The following CNTNAP3 variants were observed in gnomAD, a reference collection of about 807,000 sequenced individuals.
The protein encoded by CNTNAP3 is contactin associated protein family member 3.
In CNTNAP3, 36 loss-of-function variants were observed where a neutral mutation model predicts 92.1. That is an observed-to-expected ratio of 0.39 (90% confidence interval 0.30 to 0.52). The LOEUF is 0.52. CNTNAP3 is among the 20% of genes least tolerant of loss of function. The pLI is 0.76. For missense variants in CNTNAP3, 534 were observed against 1,069.6 expected (o/e 0.50, Z 6.98); for synonymous variants, 232 against 422.3 (o/e 0.55, Z 5.53).
At position 39,118,084 on chromosome 9, in the gene CNTNAP3, G is replaced by C. The variant is rs755193939; in HGVS notation, c.2237+19C>G. ...AATAAAAACCACATTTTTGTGCAGG[G>C]AAATCATGTGGAAATCACCATTCAT... is the stretch of plus-strand genomic sequence containing the variant. On this transcript the variant is annotated intron_variant, in intron 14 of 23. Coordinates refer to ENST00000297668, the MANE Select transcript of CNTNAP3 (RefSeq NM_033655.5). 9.4e-6 allele frequency: 15 copies of C among 1,593,744 alleles called. No individual in the cohort carries two copies. Among genetic ancestry groups the C allele is most frequent in the Admixed American group, 1.8e-5 (1 of 56,542 alleles).
intron 13 of CNTNAP3, among the ~76,000 whole-genome samples, chr9:39,129,163 T>C (rs1821218555): frequency 6.6e-6 from 1 of 152,148 alleles, no homozygotes; most frequent in African/African-American, 2.4e-5. Context: ...TTATACAGAA[T>C]GAGGCAAGCT....
At chr9:39,075,876 G>A (rs1825748622) in intron 23 of CNTNAP3, among the ~76,000 whole-genome samples, 1 of 152,280 alleles carries the variant, frequency 6.6e-6, no homozygotes, top group South Asian at 2.1e-4. Flanking sequence ...GTTAATCAGA[G>A]GTCTGTCCCA....
At chr9:39,091,168 C>CTTTTTTT (rs1319060417) in intron 18 of CNTNAP3, among the ~76,000 whole-genome samples, 284 of 117,018 alleles carry the variant, frequency 2.4e-3, no homozygotes, top group Middle Eastern at 4.6e-3. Flanking sequence ...TGTTTTTCTT[C>CTTTTTTT]TTCTTTTTTT....
intron 12 of CNTNAP3, among the ~76,000 whole-genome samples, chr9:39,136,611 T>A (rs1190341046): frequency 6.6e-6 from 1 of 152,018 alleles, no homozygotes; most frequent in Non-Finnish European, 1.5e-5. Context: ...AGAATTTACT[T>A]TTACCTGGCC....
Position 39,133,121 on chromosome 9 carries a change from T to C in CNTNAP3, c.1891A>G (p.Thr631Ala). 6.4e-7 allele frequency: 1 copy of C among 1,573,708 alleles called. No individual in the cohort carries two copies. The highest frequency in any genetic ancestry group is 8.6e-7 in the Non-Finnish European group (1 of 1,165,320). The change falls in exon 13 of 24, where the codon ACG becomes GCG. Residue 631 changes from threonine (T) to alanine (A), a missense_variant. Transcript: ENST00000297668. ...TCGGGGCCACCGTGCTGCACCACCG[T>C]CCACGCGGCGTCTGCTGAGCAGAAA... The part of the protein sequence containing the change: ...YCNMTADAAW[T>A]VVQHGGPDAV...
At position 39,071,268 on chromosome 9, in the gene CNTNAP3, A is replaced by G. The variant is rs561551675; in HGVS notation, c.*2622T>C. ...CACGGGGTAGAATATGTCACGTATCAGTAGTAACTACTATCAAAGTATGTT... is the reference window on the plus strand; with the variant it reads ...CACGGGGTAGAATATGTCACGTATCGGTAGTAACTACTATCAAAGTATGTT... On this transcript the variant is annotated 3_prime_UTR_variant, in exon 24 of 24. Coordinates refer to ENST00000297668, the MANE Select transcript of CNTNAP3 (RefSeq NM_033655.5). 7.2e-3 allele frequency among the ~76,000 whole-genome samples: 1,079 copies of G among 150,506 alleles called. 4 individuals carry two copies. The highest frequency in any genetic ancestry group is 0.025 in the African/African-American group (1,011 of 40,268).
intron 19 of CNTNAP3, 137 bp from the exon 20 acceptor site, chr9:39,086,986 T>C (rs1184977119): frequency 2.2e-6 from 2 of 912,224 alleles, no homozygotes; most frequent in East Asian, 5.4e-5. Context: ...ATGCACCCAA[T>C]AGTTATCTTT....
chr9:39,122,679 C>T (rs534017005), intron 13 of CNTNAP3, among the ~76,000 whole-genome samples: 1 of 152,182 alleles, frequency 6.6e-6, no homozygotes, highest in Non-Finnish European at 1.5e-5. Flanking sequence ...TTTGCCAATA[C>T]AACATGTCTG....
chr9:39,143,220 A>C (rs1446033092), intron 11 of CNTNAP3, among the ~76,000 whole-genome samples: 1 of 150,778 alleles, frequency 6.6e-6, no homozygotes, highest in African/African-American at 2.5e-5. Flanking sequence ...TGGCAGAGGC[A>C]GTTGAGAAGT....
intron 23 of CNTNAP3, among the ~76,000 whole-genome samples, chr9:39,074,830 G>A (rs1825711773): frequency 6.6e-6 from 1 of 152,114 alleles, no homozygotes; most frequent in Non-Finnish European, 1.5e-5. Context: ...GTGCAGTGGC[G>A]CGATCTCGGC....
chr9:39,094,644 T>C (rs937220748), intron 18 of CNTNAP3, among the ~76,000 whole-genome samples: 3 of 151,620 alleles, frequency 2.0e-5, no homozygotes, highest in African/African-American at 7.3e-5. Flanking sequence ...ATGTTAAACA[T>C]CAATTGACTG....
At chr9:39,217,395 T>C (rs3119289) in intron 3 of CNTNAP3, among the ~76,000 whole-genome samples, 1 of 23,980 alleles carries the variant, frequency 4.2e-5, no homozygotes, top group African/African-American at 6.7e-5. Flanking sequence ...TATATATATA[T>C]ATATATTCAT....
chr9:39,120,403 G>A (rs769389018), intron 13 of CNTNAP3, among the ~76,000 whole-genome samples: 6 of 152,126 alleles, frequency 3.9e-5, no homozygotes, highest in Admixed American at 2.0e-4. Context: ...GGCCGGGTGC[G>A]GTGGCTCACG....
chr9:39,142,516 C>CA (rs1420451369), intron 11 of CNTNAP3, among the ~76,000 whole-genome samples: 2 of 151,738 alleles, frequency 1.3e-5, no homozygotes, highest in Admixed American at 6.6e-5. Flanking sequence ...ACTAAAAATA[C>CA]AAAAAATTAG....
chr9:39,114,373 T>C (rs534913180), intron 14 of CNTNAP3, among the ~76,000 whole-genome samples: 38 of 152,192 alleles, frequency 2.5e-4, no homozygotes, highest in Admixed American at 1.9e-3. Flanking sequence ...GCGTGAGCCA[T>C]GGCGCCCTGC....
At chr9:39,090,288 A>G (rs1253617284) in intron 18 of CNTNAP3, among the ~76,000 whole-genome samples, 1 of 152,150 alleles carries the variant, frequency 6.6e-6, no homozygotes, top group Admixed American at 6.5e-5. Flanking sequence ...CTAGACCCTT[A>G]TAAGAGACAT....
rs536485163 is a variant in CNTNAP3, at chr9:39,074,574, T to C, written c.3746-563A>G. On this transcript the variant is annotated intron_variant, in intron 23 of 23. Transcript: ENST00000297668. ...TATATGATGATTGGGTTTTAGATAATGCTTTCAGATTTAAAAGAATAGAGA... is the reference window on the plus strand; with the variant it reads ...TATATGATGATTGGGTTTTAGATAACGCTTTCAGATTTAAAAGAATAGAGA... Among the ~76,000 whole-genome samples, 14 of 151,930 alleles carry C rather than the reference T, an allele frequency of 9.2e-5. No individual in the cohort carries two copies. In the East Asian group the frequency reaches 1.9e-3, roughly 21 times the overall value.
At position 39,140,562 on chromosome 9, in the gene CNTNAP3, T is replaced by C. The variant is rs759252781; in HGVS notation, c.1833A>G (p.Gly611=). 5 of 1,613,796 alleles carry C rather than the reference T, an allele frequency of 3.1e-6. No homozygotes were observed. Among genetic ancestry groups the C allele is most frequent in the Admixed American group, 3.3e-5 (2 of 59,978 alleles). The stretch of plus-strand genomic sequence containing the variant: ...CAAGAAATGGTCCCAGGGGGCCACT[T>C]CCATCTGCATCAATATAGTAAAGCC... ...PSGLYYIDAD[G]SGPLGPFLVY... The change falls in exon 12 of 24, where the codon GGA becomes GGG. Residue 611 remains glycine (G), a synonymous_variant. Coordinates refer to ENST00000297668, the MANE Select transcript of CNTNAP3 (RefSeq NM_033655.5).
intron 15 of CNTNAP3, chr9:39,106,422 C>A (rs1420380303): frequency 6.6e-6 from 1 of 152,160 alleles, no homozygotes; most frequent in Non-Finnish European, 1.5e-5. Context: ...TTCCTAGTTG[C>A]TAGGACTACA....
Sources: allele counts gnomAD v4.1 joint callset (sites outside exome capture counted in the v4.1 genomes callset), GRCh38; gene constraint gnomAD v4.1.1; transcripts MANE v1.5; gene names NCBI Gene and HGNC (gene_info 2026-07-23, HGNC 2026-07-21).